The following DPF3 variants were observed in gnomAD, a reference collection of about 807,000 sequenced individuals.
DPF3 encodes the protein double PHD fingers 3, also known as zinc finger protein DPF3.
Under a neutral mutation model 56.8 loss-of-function variants are expected in DPF3, and 18 were observed. The observed-to-expected ratio is 0.32, with a 90% CI of 0.22 to 0.47. The LOEUF is 0.47. DPF3 is among the 20% of genes least tolerant of loss of function. The pLI is 1.00. For missense variants in DPF3, 403 were observed against 488.8 expected (o/e 0.82, Z 1.65); for synonymous variants, 188 against 180.2 (o/e 1.04, Z -0.35).
chr14:72,813,048 G>A (rs1883129221), intron 1 of DPF3, among the ~76,000 whole-genome samples: 2 of 152,132 alleles, frequency 1.3e-5, no homozygotes, highest in South Asian at 4.1e-4. Flanking sequence ...CTTTTCGGGG[G>A]CTCCTTCGAA....
At position 72,637,904 on chromosome 14, in the gene DPF3, G is replaced by A. The variant is rs115057610; in HGVS notation, c.872-8168C>T. On this transcript the variant is annotated intron_variant, in intron 8 of 10. Coordinates refer to ENST00000556509, the MANE Select transcript of DPF3 (RefSeq NM_001280542.3). ...GACCAGCCCAGTCCGATCCAATGTC[G>A]ACACAACAAAAGATGGCCAAGACAG... Among the ~76,000 whole-genome samples the A allele has an allele frequency of 4.0e-3, 614 of 152,064 alleles. 10 individuals are homozygous for A. Among genetic ancestry groups the A allele is most frequent in the African/African-American group, 0.014 (578 of 41,448 alleles).
chr14:72,770,979 C>G (rs1567227551), intron 2 of DPF3, among the ~76,000 whole-genome samples: 2 of 24,568 alleles, frequency 8.1e-5, no homozygotes, highest in African/African-American at 3.2e-4. Context: ...GAGTTCGAGA[C>G]AGCCTGACCA....
intron 8 of DPF3, among the ~76,000 whole-genome samples, chr14:72,644,486 T>C (rs1484713861): frequency 6.6e-6 from 1 of 152,238 alleles, no homozygotes; most frequent in Non-Finnish European, 1.5e-5. Context: ...ACATGGGCTT[T>C]CTTTTTTTCC....
intron 1 of DPF3, among the ~76,000 whole-genome samples, chr14:72,823,794 G>A (rs1174543985): frequency 1.3e-5 from 2 of 152,114 alleles, no homozygotes; most frequent in East Asian, 3.8e-4. Context: ...ACAGAGAGTA[G>A]GAAACTCCAT....
chr14:72,714,365 A>G, intron 6 of DPF3, 58 bp downstream of exon 6: 1 of 1,598,704 alleles, frequency 6.3e-7, no homozygotes, highest in Non-Finnish European at 8.6e-7. Context: ...CACAGGGAAG[A>G]GGGGCCCTGG....
chr14:72,775,052 C>G (rs964864523), intron 1 of DPF3, among the ~76,000 whole-genome samples: 2 of 152,092 alleles, frequency 1.3e-5, no homozygotes, highest in Non-Finnish European at 2.9e-5. Context: ...ACCCATGAAA[C>G]AGCAAGCAGC....
chr14:72,794,705 G>A (rs1404403588), intron 1 of DPF3, among the ~76,000 whole-genome samples: 2 of 152,182 alleles, frequency 1.3e-5, no homozygotes, highest in Non-Finnish European at 2.9e-5. Context: ...TTCTATTGCT[G>A]CTGAGACAAA....
chr14:72,632,718 G>A (rs1263559404), intron 8 of DPF3, among the ~76,000 whole-genome samples: 1 of 114,092 alleles, frequency 8.8e-6, no homozygotes, highest in East Asian at 4.5e-4. Context: ...GGAAGGAAGG[G>A]AAGGAAGGGA....
chr14:72,639,441 G>A (rs755835739), intron 8 of DPF3, among the ~76,000 whole-genome samples: 1 of 152,186 alleles, frequency 6.6e-6, no homozygotes, highest in Middle Eastern at 3.2e-3. Context: ...TGGCAGAAGT[G>A]ATGAGATGTC....
At chr14:72,659,323 CTT>C (rs1233835971) in intron 8 of DPF3, among the ~76,000 whole-genome samples, 1 of 151,364 alleles carries the variant, frequency 6.6e-6, no homozygotes, top group Non-Finnish European at 1.5e-5. Context: ...TTCTTTCTCT[CTT>C]TTTCATTCTC....
intron 2 of DPF3, among the ~76,000 whole-genome samples, chr14:72,762,184 A>G (rs1038281971): frequency 1.3e-5 from 2 of 151,898 alleles, no homozygotes; most frequent in African/African-American, 4.8e-5. Context: ...ATACTTCCCA[A>G]CTCATTATAT....
At chr14:72,672,604 T>C (rs201806283) in intron 8 of DPF3, among the ~76,000 whole-genome samples, 3 of 152,138 alleles carry the variant, frequency 2.0e-5, no homozygotes, top group African/African-American at 7.2e-5. Context: ...CTGAGCCACA[T>C]AGCAGACAGA....
At chr14:72,864,398 G>A (rs542703669) in intron 1 of DPF3, among the ~76,000 whole-genome samples, 21 of 152,196 alleles carry the variant, frequency 1.4e-4, no homozygotes, top group East Asian at 1.4e-3. Flanking sequence ...GGTCAGTGTC[G>A]GCCTCCTCCA....
chr14:72,728,921 A>C (rs1431875097), intron 4 of DPF3, among the ~76,000 whole-genome samples: 21 of 152,162 alleles, frequency 1.4e-4, no homozygotes, highest in Admixed American at 1.4e-3. Flanking sequence ...CAAGGGTGTG[A>C]GATGAAGTAC....
chr14:72,721,797 A>C (rs1411679270), intron 5 of DPF3, among the ~76,000 whole-genome samples: 1 of 152,182 alleles, frequency 6.6e-6, no homozygotes, highest in East Asian at 1.9e-4. Flanking sequence ...GTTTCTAATC[A>C]AACTACCAGT....
intron 1 of DPF3, among the ~76,000 whole-genome samples, chr14:72,821,178 A>G (rs1390698562): frequency 6.6e-6 from 1 of 151,484 alleles, no homozygotes; most frequent in African/African-American, 2.4e-5. Flanking sequence ...CATGCACACT[A>G]CTTGGGAGGC....
rs1224281560 is a variant in DPF3, at chr14:72,616,633, T to C, written c.*2664A>G. ...CTGGAATAGGCAGGGCAAGTGTTAC[T>C]ATCTCCACTTTCCAGGTGGGCAATT... is the stretch of plus-strand genomic sequence containing the variant. On this transcript the variant is annotated 3_prime_UTR_variant, in exon 11 of 11. Coordinates refer to ENST00000556509, the MANE Select transcript of DPF3 (RefSeq NM_001280542.3). Among the ~76,000 whole-genome samples the C allele has an allele frequency of 6.6e-6, 1 of 152,192 alleles. No homozygotes were observed. Among genetic ancestry groups the C allele is most frequent in the Admixed American group, 6.5e-5 (1 of 15,284 alleles).
At chr14:72,854,765 A>T (rs1885114311) in intron 1 of DPF3, among the ~76,000 whole-genome samples, 1 of 152,172 alleles carries the variant, frequency 6.6e-6, no homozygotes, top group African/African-American at 2.4e-5. Flanking sequence ...CTGGCCCTGA[A>T]ATCAAAACCC....
At chr14:72,797,279 G>A (rs1196395714) in intron 1 of DPF3, among the ~76,000 whole-genome samples, 7 of 152,116 alleles carry the variant, frequency 4.6e-5, no homozygotes, top group Admixed American at 4.6e-4. Flanking sequence ...AGACACATAG[G>A]TTAACCAGCC....
Sources: allele counts gnomAD v4.1 joint callset (sites outside exome capture counted in the v4.1 genomes callset), GRCh38; gene constraint gnomAD v4.1.1; transcripts MANE v1.5; gene names NCBI Gene and HGNC (gene_info 2026-07-23, HGNC 2026-07-21).